The following METTL24 variants were observed in gnomAD, a reference collection of about 807,000 sequenced individuals.
METTL24 encodes the protein probable methyltransferase-like protein 24.
Under a neutral mutation model 32.7 loss-of-function variants are expected in METTL24, and 29 were observed. The ratio of observed to expected loss-of-function variants is 0.89; its 90% CI spans 0.66 to 1.21. METTL24 has a LOEUF of 1.21. Ranked by LOEUF, METTL24 falls within the 50% of genes most tolerant of loss-of-function variation. METTL24 has a pLI of 0.00. For missense variants in METTL24, 439 were observed against 468.1 expected, an observed-to-expected ratio of 0.94 and a Z score of 0.57; for synonymous variants, 163 against 179.5, an observed-to-expected ratio of 0.91 and a Z score of 0.73.
At chr6:110,355,607 A>G (rs954509017) in intron 1 of METTL24, among the ~76,000 whole-genome samples, 3 of 152,148 alleles carry the variant, frequency 2.0e-5, no homozygotes, top group Non-Finnish European at 4.4e-5. Context: ...ATGATTCTCA[A>G]ATCACCACCT....
At chr6:110,299,843 T>G (rs895134766) in intron 3 of METTL24, among the ~76,000 whole-genome samples, 3 of 152,172 alleles carry the variant, frequency 2.0e-5, no homozygotes, top group African/African-American at 7.2e-5. Context: ...AAATATTCCC[T>G]ATTTAATGGT....
At chr6:110,251,370 G>A (rs760364963) in intron 4 of METTL24, among the ~76,000 whole-genome samples, 4 of 152,036 alleles carry the variant, frequency 2.6e-5, no homozygotes, top group Non-Finnish European at 4.4e-5. Flanking sequence ...TTTTAAAGAT[G>A]GAATATTAAT....
chr6:110,259,976 A>C, intron 4 of METTL24, among the ~76,000 whole-genome samples: 1 of 152,354 alleles, frequency 6.6e-6, no homozygotes, highest in South Asian at 2.1e-4. Flanking sequence ...CGTCACCATC[A>C]TCAAAGACCA....
intron 4 of METTL24, among the ~76,000 whole-genome samples, chr6:110,270,447 TG>T (rs768887917): frequency 8.5e-5 from 13 of 152,222 alleles, no homozygotes; most frequent in East Asian, 5.8e-4. Flanking sequence ...ACACCATTTA[TG>T]GGGCTAAGCA....
intron 4 of METTL24, among the ~76,000 whole-genome samples, chr6:110,258,265 T>C (rs1778421550): frequency 6.6e-6 from 1 of 152,200 alleles, no homozygotes. Context: ...AGAGGCAAAA[T>C]TAAAATTTGG....
intron 4 of METTL24, among the ~76,000 whole-genome samples, chr6:110,260,704 G>T (rs1216825545): frequency 6.6e-6 from 1 of 152,100 alleles, no homozygotes; most frequent in East Asian, 1.9e-4. Context: ...AATGTTAAGG[G>T]TAGCCAGAGA....
At chr6:110,249,635 C>T (rs988567415) in intron 4 of METTL24, among the ~76,000 whole-genome samples, 6 of 151,986 alleles carry the variant, frequency 3.9e-5, no homozygotes, top group Admixed American at 3.9e-4. Context: ...TTATAAAGCA[C>T]TAAACATTGC....
chr6:110,343,895 T>C (rs1582441472), intron 1 of METTL24, among the ~76,000 whole-genome samples: 1 of 151,754 alleles, frequency 6.6e-6, no homozygotes, highest in African/African-American at 2.4e-5. Context: ...TGGCCAGAGG[T>C]GAAACACTGA....
Position 110,299,058 on chromosome 6 carries a change from A to C in METTL24, c.650T>G (p.Ile217Ser). 12 of 1,614,208 alleles carry C rather than the reference A, an allele frequency of 7.4e-6. No homozygotes were observed. Among genetic ancestry groups the C allele is most frequent in the Non-Finnish European group, 8.5e-6 (10 of 1,180,034 alleles). The change falls in exon 4 of 5, where the codon ATT becomes AGT. Residue 217 changes from isoleucine to serine, a missense_variant. Transcript: ENST00000338882. ...RFDPSVKSAHILESQHLWYHR... is the reference protein window; with the variant it reads ...RFDPSVKSAHSLESQHLWYHR... The stretch of plus-strand genomic sequence containing the variant: ...ATACCAAAGGTGCTGACTCTCCAGA[A>C]TGTGAGCTGACTTGACACTAGGATC...
At chr6:110,287,472 G>A (rs1463306481) in intron 4 of METTL24, among the ~76,000 whole-genome samples, 1 of 152,130 alleles carries the variant, frequency 6.6e-6, no homozygotes, top group Non-Finnish European at 1.5e-5. Flanking sequence ...CAAATACACA[G>A]AAAGATAGAC....
Position 110,319,711 on chromosome 6 carries a change from A to G in METTL24, c.417+3063T>C, listed in dbSNP as rs1368250778. ...ACTCTGTCGTGTATCATGGTCTTTC[A>G]CATTGAAAAAAAAAAATAGTACCTA... On this transcript the variant is annotated intron_variant, in intron 2 of 4. Transcript: ENST00000338882. Among the ~76,000 whole-genome samples, 3 of 151,920 alleles carry G rather than the reference A, an allele frequency of 2.0e-5. No individual in the cohort carries two copies. In the East Asian group the frequency reaches 5.8e-4, roughly 29 times the overall value.
intron 1 of METTL24, among the ~76,000 whole-genome samples, chr6:110,345,699 T>C (rs1772459178): frequency 6.6e-6 from 1 of 152,214 alleles, no homozygotes; most frequent in Admixed American, 6.5e-5. Context: ...TACCGTATAT[T>C]CTCACTTGTA....
chr6:110,283,384 T>A lies in METTL24; in HGVS notation c.786+15538A>T, dbSNP rs111584487. Among the ~76,000 whole-genome samples the A allele has an allele frequency of 1.1e-4, 16 of 152,006 alleles. 1 individual carries two copies. In the South Asian group the frequency reaches 2.3e-3, roughly 22 times the overall value. ...ATAAGAAAAAAAATTACTAGAAAAATTTTTTCCATAATCTTGCCAGAAAAC... is the reference window on the plus strand; with the variant it reads ...ATAAGAAAAAAAATTACTAGAAAAAATTTTTCCATAATCTTGCCAGAAAAC... On this transcript the variant is annotated intron_variant, in intron 4 of 4. Coordinates refer to ENST00000338882, the MANE Select transcript of METTL24 (RefSeq NM_001123364.3).
At chr6:110,348,417 G>A (rs7770648) in intron 1 of METTL24, among the ~76,000 whole-genome samples, 2 of 152,200 alleles carry the variant, frequency 1.3e-5, no homozygotes, top group South Asian at 2.1e-4. Context: ...TAGATCCCAC[G>A]TATTACTTTC....
chr6:110,315,547 T>G lies in METTL24; in HGVS notation c.418-66A>C, dbSNP rs73763026. ...GGATGATAAATAGCAGGTAGGGACT[T>G]ATTGCTTCCCCATCCTTGAAAACCG... On this transcript the variant is annotated intron_variant, in intron 2 of 4. Transcript: ENST00000338882. 2,696 of 1,540,852 alleles carry G rather than the reference T, an allele frequency of 1.7e-3. 28 individuals carry two copies. In the African/African-American group the frequency reaches 0.033, roughly 19 times the overall value.
intron 1 of METTL24, among the ~76,000 whole-genome samples, chr6:110,346,831 T>C (rs1260067723): frequency 6.6e-6 from 1 of 152,202 alleles, no homozygotes; most frequent in Non-Finnish European, 1.5e-5. Context: ...AATCAGACAT[T>C]TGTATTTTTT....
chr6:110,325,673 G>T (rs1772004998), intron 1 of METTL24, among the ~76,000 whole-genome samples: 1 of 152,228 alleles, frequency 6.6e-6, no homozygotes, highest in South Asian at 2.1e-4. Context: ...GTCTTTGTCA[G>T]ATGACCATGA....
chr6:110,276,674 TCAGC>T (rs1771052875), intron 4 of METTL24, among the ~76,000 whole-genome samples: 1 of 151,814 alleles, frequency 6.6e-6, no homozygotes, highest in Non-Finnish European at 1.5e-5. Context: ...GAGGTGGGGG[TCAGC>T]AGCAGGACCT....
At chr6:110,320,663 T>A (rs1771915749) in intron 2 of METTL24, among the ~76,000 whole-genome samples, 1 of 152,238 alleles carries the variant, frequency 6.6e-6, no homozygotes, top group South Asian at 2.1e-4. Context: ...TAATTATACA[T>A]CCAGTTATCC....
Sources: allele counts gnomAD v4.1 joint callset (sites outside exome capture counted in the v4.1 genomes callset), GRCh38; gene constraint gnomAD v4.1.1; transcripts MANE v1.5; gene names NCBI Gene and HGNC (gene_info 2026-07-23, HGNC 2026-07-21).